Variants in RAD51B observed in about 807,000 individuals in gnomAD.
RAD51B encodes the protein DNA repair protein RAD51 homolog 2.
Under a neutral mutation model 42.2 loss-of-function variants are expected in RAD51B, and 38 were observed. That is an observed-to-expected ratio of 0.90 (90% CI 0.70 to 1.18). The LOEUF (loss-of-function observed/expected upper bound fraction) is 1.18, where lower values mean the gene tolerates loss of function less well. RAD51B is among the 50% of genes most tolerant of loss of function. RAD51B has a pLI of 0.00. For synonymous variants in RAD51B, 154 were observed against 145.2 expected (o/e 1.06, Z -0.43); for missense variants, 373 against 400.7 (o/e 0.93, Z 0.59).
intron 8 of RAD51B, among the ~76,000 whole-genome samples, chr14:68,340,447 T>C (rs1356209429): frequency 2.0e-5 from 3 of 152,224 alleles, no homozygotes; most frequent in Non-Finnish European, 2.9e-5. Context: ...GGGGATCTAA[T>C]AGAAACTTAC....
At chr14:67,996,490 G>C (rs1390013690) in intron 7 of RAD51B, among the ~76,000 whole-genome samples, 1 of 152,048 alleles carries the variant, frequency 6.6e-6, no homozygotes, top group Non-Finnish European at 1.5e-5. Flanking sequence ...AGCAAAACCT[G>C]AAGGAAGTAA....
rs117639429 is a variant in RAD51B at position 68,360,356 on chromosome 14, C to T, written c.854-51068C>T. On this transcript the variant is annotated intron_variant, in intron 8 of 10. Coordinates refer to ENST00000471583, the MANE Select transcript of RAD51B (RefSeq NM_133510.4). ...AAAAGGCTACCCTAAGTGCACTGAG[C>T]TTCCTTGCTAGGCACATCTTATCAT... 2.5e-3 allele frequency among the ~76,000 whole-genome samples: 384 copies of T among 152,376 alleles called. 6 individuals are homozygous for T. In the East Asian group the frequency reaches 0.033, roughly 13 times the overall value.
At chr14:68,678,849 T>C (rs958779980) in intron 11 of RAD51B, among the ~76,000 whole-genome samples, 2 of 152,164 alleles carry the variant, frequency 1.3e-5, no homozygotes, top group Non-Finnish European at 2.9e-5. Context: ...TTATCTCCAA[T>C]TATCAGTGAG....
At chr14:67,932,128 C>T (rs2044760417) in intron 7 of RAD51B, among the ~76,000 whole-genome samples, 1 of 152,152 alleles carries the variant, frequency 6.6e-6, no homozygotes, top group African/African-American at 2.4e-5. Context: ...GTCTTCCTCC[C>T]TCCCTCCTAC....
At chr14:68,204,623 C>T (rs995417835) in intron 7 of RAD51B, among the ~76,000 whole-genome samples, 11 of 152,000 alleles carry the variant, frequency 7.2e-5, no homozygotes, top group Non-Finnish European at 1.6e-4. Context: ...CTGTGAAGCA[C>T]GATAAAGTGG....
chr14:67,996,296 C>T (rs1009819964), intron 7 of RAD51B, among the ~76,000 whole-genome samples: 3 of 151,630 alleles, frequency 2.0e-5, no homozygotes, highest in East Asian at 1.9e-4. Flanking sequence ...CGTGGGAGCC[C>T]GAGGCAGGAA....
At chr14:68,297,927 G>GT (rs1344743095) in intron 8 of RAD51B, among the ~76,000 whole-genome samples, 2 of 152,124 alleles carry the variant, frequency 1.3e-5, no homozygotes. Flanking sequence ...GGATAAAAAT[G>GT]TTTAAGTGTC....
intron 11 of RAD51B, among the ~76,000 whole-genome samples, chr14:68,667,900 C>G: frequency 6.6e-6 from 1 of 152,330 alleles, no homozygotes; most frequent in Non-Finnish European, 1.5e-5. Context: ...ACAGACCTAA[C>G]TGAAGGCAGA....
At chr14:68,261,219 C>T (rs540325330) in intron 7 of RAD51B, among the ~76,000 whole-genome samples, 39 of 152,352 alleles carry the variant, frequency 2.6e-4, no homozygotes, top group Non-Finnish European at 4.1e-4. Context: ...CAGTTTTTAC[C>T]GGCTTTCTCT....
rs564215398 is a variant in RAD51B at position 68,371,304 on chromosome 14, G to T, written c.854-40120G>T. Among the ~76,000 whole-genome samples, 248 of 151,874 alleles carry T rather than the reference G, an allele frequency of 1.6e-3. 2 individuals are homozygous for T. Among genetic ancestry groups the T allele is most frequent in the Admixed American group, 4.0e-3 (61 of 15,258 alleles). ...GAGGCTGAGGTAGGCAGATCACAAG[G>T]TCAAGAGATGGAGACCATCCTGGCC... On this transcript the variant is annotated intron_variant, in intron 8 of 10. Coordinates refer to ENST00000471583, the MANE Select transcript of RAD51B (RefSeq NM_133510.4).
chr14:68,397,280 G>A (rs750989923), intron 8 of RAD51B, among the ~76,000 whole-genome samples: 1 of 152,198 alleles, frequency 6.6e-6, no homozygotes, highest in Non-Finnish European at 1.5e-5. Flanking sequence ...CGAGGAAGAA[G>A]GAAATTGGTT....
chr14:68,173,635 T>C (rs1208395710), intron 7 of RAD51B, among the ~76,000 whole-genome samples: 2 of 152,222 alleles, frequency 1.3e-5, no homozygotes, highest in African/African-American at 4.8e-5. Flanking sequence ...ATAGACTGTC[T>C]CAGTTCCTCA....
chr14:68,162,271 A>G (rs1471030380), intron 7 of RAD51B, among the ~76,000 whole-genome samples: 1 of 152,214 alleles, frequency 6.6e-6, no homozygotes, highest in African/African-American at 2.4e-5. Flanking sequence ...AATAGAACGT[A>G]AATTCCTTTT....
chr14:68,682,314 C>T (rs1395919665), intron 11 of RAD51B, among the ~76,000 whole-genome samples: 2 of 152,178 alleles, frequency 1.3e-5, no homozygotes, highest in Non-Finnish European at 2.9e-5. Flanking sequence ...AGGCCAGACA[C>T]CTTTTGAAAT....
At chr14:68,494,051 G>A (rs1158198759) in intron 10 of RAD51B, among the ~76,000 whole-genome samples, 1 of 152,082 alleles carries the variant, frequency 6.6e-6, no homozygotes, top group Admixed American at 6.6e-5. Context: ...CGAGGGAGGC[G>A]GATCAGTTGA....
chr14:67,835,410 A>G lies in RAD51B; in HGVS notation c.315+214A>G, dbSNP rs17783160. On this transcript the variant is annotated intron_variant, in intron 4 of 10. Coordinates refer to ENST00000471583, the MANE Select transcript of RAD51B (RefSeq NM_133510.4). ...AATCCTTGCTGACTGATTAAAATCT[A>G]CTTAGGTTGCTGTTTCATTGAGTTA... 0.33 allele frequency among the ~76,000 whole-genome samples: 50,542 copies of G among 151,962 alleles called. 8,808 individuals carry two copies. Among genetic ancestry groups the G allele is most frequent in the Middle Eastern group, 0.45 (132 of 294 alleles).
At chr14:68,052,124 G>A (rs1423127604) in intron 7 of RAD51B, among the ~76,000 whole-genome samples, 1 of 152,022 alleles carries the variant, frequency 6.6e-6, no homozygotes, top group African/African-American at 2.4e-5. Context: ...CAGTCACTAG[G>A]GCAATGAGGA....
rs1482761959 is a variant in RAD51B at position 67,940,784 on chromosome 14, A to G, written c.756+53580A>G. Among the ~76,000 whole-genome samples the G allele has an allele frequency of 5.3e-5, 8 of 151,248 alleles. No homozygotes were observed. In the East Asian group the frequency reaches 1.5e-3, roughly 29 times the overall value. On this transcript the variant is annotated intron_variant, in intron 7 of 10. Coordinates refer to ENST00000471583, the MANE Select transcript of RAD51B (RefSeq NM_133510.4). ...TTTAGAAATGATAGTATCAGTAGGA[A>G]AAAAAAAACACAGAAAAATACAATT...
At chr14:67,864,780 C>A in intron 4 of RAD51B, 1 of 727,034 alleles carries the variant, frequency 1.4e-6, no homozygotes, top group Admixed American at 2.1e-5. Context: ...TTTCTCAATT[C>A]CTCCAAGGAT....
Sources: allele counts gnomAD v4.1 joint callset (sites outside exome capture counted in the v4.1 genomes callset), GRCh38; gene constraint gnomAD v4.1.1; transcripts MANE v1.5; gene names NCBI Gene and HGNC (gene_info 2026-07-23, HGNC 2026-07-21).